Variants in JMJD6 observed in about 807,000 individuals in gnomAD.
The protein encoded by JMJD6 is jumonji domain containing 6, arginine demethylase and lysine hydroxylase.
Under a neutral mutation model 45.8 loss-of-function variants are expected in JMJD6, and 17 were observed. The observed-to-expected ratio is 0.37, with a 90% confidence interval of 0.25 to 0.56. JMJD6 has a LOEUF of 0.56. Ranked by LOEUF, JMJD6 falls within the 20% of genes least tolerant of loss-of-function variation. The probability of loss-of-function intolerance (pLI) is 0.79; values close to 1 mark genes in which losing one functional copy is unlikely to be tolerated. For missense variants in JMJD6, 470 were observed against 517.5 expected (o/e 0.91, Z 0.89); for synonymous variants, 221 against 196.3 (o/e 1.13, Z -1.05).
intron 1 of JMJD6, 32 bp from the exon 2 acceptor site, chr17:76,725,887 A>T: frequency 1.1e-6 from 1 of 878,796 alleles, no homozygotes; most frequent in Non-Finnish European, 1.5e-6. Context: ...TGTCCAGTTA[A>T]AAAAAAAAAA....
At chr17:76,717,027 T>C (rs2076769947), downstream of JMJD6, among the ~76,000 whole-genome samples, 1 of 152,090 alleles carries the variant, frequency 6.6e-6, no homozygotes, top group Non-Finnish European at 1.5e-5. Context: ...CACTTGAATT[T>C]CCCCATGGAA....
At chr17:76,721,152 G>A (rs999632753) in intron 4 of JMJD6, 4 of 230,732 alleles carry the variant, frequency 1.7e-5, no homozygotes, top group South Asian at 4.5e-5. Flanking sequence ...TACGGGGCGG[G>A]GTAAGTGGGC....
At position 76,718,540 on chromosome 17, in the gene JMJD6, T is replaced by A; in HGVS notation, c.*189A>T. 2.0e-5 allele frequency: 28 copies of A among 1,379,818 alleles called. No individual in the cohort carries two copies. The highest frequency in any genetic ancestry group is 2.6e-5 in the Non-Finnish European group (28 of 1,069,328). 85.5% of individuals were successfully genotyped at this position (1,379,818 alleles called of 1,614,324 possible). A position where few individuals can be genotyped will look rare whatever the true frequency, so the allele number is the denominator to read the frequency against. The stretch of plus-strand genomic sequence containing the variant: ...TTGCCTGAGTAAAACAAGCCGCGTT[T>A]ATCTGCATTGGTAGCAGAGGGAAAG... On this transcript the variant is annotated 3_prime_UTR_variant, in exon 6 of 6. Transcript: ENST00000397625.
chr17:76,725,956 A>T, intron 1 of JMJD6, 101 bp from the exon 2 acceptor site: 2 of 1,385,476 alleles, frequency 1.4e-6, no homozygotes, highest in Non-Finnish European at 1.9e-6. Context: ...AAACCGAAGG[A>T]AGTTGACTCT....
At position 76,718,585 on chromosome 17, in the gene JMJD6, G is replaced by C; in HGVS notation, c.*144C>G. On this transcript the variant is annotated 3_prime_UTR_variant, in exon 6 of 6. Coordinates refer to ENST00000397625, the MANE Select transcript of JMJD6 (RefSeq NM_015167.3). ...GGAAAGCTACTGGAGCAAACGCTAA[G>C]TGAATGGGTTCCCGTGCCGAGGGTG... 6.9e-7 allele frequency: 1 copy of C among 1,441,848 alleles called. No homozygotes were observed. Among genetic ancestry groups the C allele is most frequent in the Non-Finnish European group, 9.1e-7 (1 of 1,102,138 alleles). The allele number at this position is 1,441,848 out of a possible 1,614,324, so 89.3% of individuals were successfully genotyped here. A position where few individuals can be genotyped will look rare whatever the true frequency, so the allele number is the denominator to read the frequency against.
chr17:76,725,875 C>A lies in JMJD6; in HGVS notation c.130-20G>T. ...GTTATCCTGAGGGAATTAAAAAAGACCTGTCCAGTTAAAAAAAAAAAAAAA... is the reference window on the plus strand; with the variant it reads ...GTTATCCTGAGGGAATTAAAAAAGAACTGTCCAGTTAAAAAAAAAAAAAAA... On this transcript the variant is annotated intron_variant, in intron 1 of 5. Transcript: ENST00000397625. The A allele has an allele frequency of 6.4e-7, 1 of 1,559,676 alleles. No individual in the cohort carries two copies. Among genetic ancestry groups the A allele is most frequent in the Non-Finnish European group, 8.6e-7 (1 of 1,162,390 alleles).
intron 3 of JMJD6, among the ~76,000 whole-genome samples, chr17:76,722,398 C>T (rs923839919): frequency 7.9e-5 from 12 of 152,330 alleles, no homozygotes; most frequent in African/African-American, 2.9e-4. Context: ...CCTGACTCAA[C>T]ACGGACAGTG....
intron 4 of JMJD6, 110 bp from the exon 5 acceptor site, chr17:76,720,608 G>A: frequency 9.3e-7 from 1 of 1,072,502 alleles, no homozygotes; most frequent in Non-Finnish European, 1.4e-6. Flanking sequence ...AATGCCAGGT[G>A]TGTCCGTTCA....
downstream of JMJD6, chr17:76,715,630 C>T (rs1467772421): frequency 6.6e-6 from 1 of 152,264 alleles, no homozygotes; most frequent in Non-Finnish European, 1.5e-5. Context: ...TCCTTCCCAC[C>T]TGCCTGCCAA....
chr17:76,723,722 T>G (rs770778675), intron 3 of JMJD6, 50 bp downstream of exon 3: 1 of 1,574,320 alleles, frequency 6.4e-7, no homozygotes, highest in South Asian at 1.1e-5. Flanking sequence ...ATTACAGGCA[T>G]GAACCACCGC....
At position 76,725,685 on chromosome 17, in the gene JMJD6, C is replaced by T. The variant is rs1417597831; in HGVS notation, c.300G>A (p.Lys100=). ...LKRKYRNQKF[K]CGEDNDGYSV... The stretch of plus-strand genomic sequence containing the variant: ...AGTAGCCATCGTTATCCTCACCACA[C>T]TTGAACTTCTGGTTCCGATATTTCC... The change falls in exon 2 of 6, where the codon AAG becomes AAA. Residue 100 remains lysine (K), a synonymous_variant. Coordinates refer to ENST00000397625, the MANE Select transcript of JMJD6 (RefSeq NM_015167.3). The T allele has an allele frequency of 6.2e-7, 1 of 1,614,142 alleles. No homozygotes were observed. The highest frequency in any genetic ancestry group is 1.3e-5 in the African/African-American group (1 of 75,032).
rs1463339177 is a variant in JMJD6, at chr17:76,720,390, G to A, written c.1050C>T (p.Ser350=). ...AGTCGGAGTCTGACGAACTGGAGCT[G>A]GAGGAGCTGGAAGAGTCGCTGGAGC... The part of the protein sequence containing the change: ...SDSSSDSSSS[S]SSSSSDSDSE... The change falls in exon 5 of 6, where the codon TCC becomes TCT. Residue 350 remains serine, a synonymous_variant. Coordinates refer to ENST00000397625, the MANE Select transcript of JMJD6 (RefSeq NM_015167.3). The A allele has an allele frequency of 1.2e-6, 2 of 1,614,130 alleles. No individual in the cohort carries two copies. Among genetic ancestry groups the A allele is most frequent in the South Asian group, 2.2e-5 (2 of 91,080 alleles).
chr17:76,714,999 C>T (rs1406426839), downstream of JMJD6: 3 of 152,166 alleles, frequency 2.0e-5, no homozygotes, highest in Admixed American at 6.5e-5. Context: ...ATCCAGACCA[C>T]TGGCAACGTG....
At chr17:76,719,891 G>T (rs1047341510) in intron 5 of JMJD6, among the ~76,000 whole-genome samples, 1 of 152,234 alleles carries the variant, frequency 6.6e-6, no homozygotes, top group African/African-American at 2.4e-5. Context: ...GGAGGCTGAG[G>T]CGGGTGGATC....
At chr17:76,724,983 A>G (rs944873927) in intron 2 of JMJD6, among the ~76,000 whole-genome samples, 14 of 152,212 alleles carry the variant, frequency 9.2e-5, no homozygotes, top group Non-Finnish European at 1.6e-4. Context: ...GAATTAAATC[A>G]GTCTCCCCAG....
chr17:76,721,289 G>T (rs1316884769), intron 4 of JMJD6: 1 of 449,528 alleles, frequency 2.2e-6, no homozygotes, highest in Non-Finnish European at 4.5e-6. Flanking sequence ...TCCAGGTCAG[G>T]GTTGGGACAC....
chr17:76,714,901 A>T (rs184401675), downstream of JMJD6: 1 of 152,398 alleles, frequency 6.6e-6, no homozygotes, highest in East Asian at 1.9e-4. Flanking sequence ...CCCCTGCCTC[A>T]GCTTCCCAAA....
At position 76,721,949 on chromosome 17, in the gene JMJD6, T is replaced by C. The variant is rs201992241; in HGVS notation, c.806-16A>G. ...CACCAGCCTCCTGAAATCCAACAAATAAACAGTTAAACAAGGTTTGATCCT... is the reference window on the plus strand; with the variant it reads ...CACCAGCCTCCTGAAATCCAACAAACAAACAGTTAAACAAGGTTTGATCCT... On this transcript the variant is annotated splice_polypyrimidine_tract_variant and intron_variant, in intron 3 of 5. Coordinates refer to ENST00000397625, the MANE Select transcript of JMJD6 (RefSeq NM_015167.3). The C allele has an allele frequency of 1.9e-5, 30 of 1,613,560 alleles. No individual in the cohort carries two copies. The East Asian group carries it at 2.9e-4, about 16-fold the overall frequency.
chr17:76,718,900 T>C, intron 5 of JMJD6, 40 bp from the exon 6 acceptor site: 1 of 1,596,228 alleles, frequency 6.3e-7, no homozygotes, highest in Non-Finnish European at 8.6e-7. Flanking sequence ...TCAACCTGGA[T>C]GCAACCCACT....
Sources: allele counts gnomAD v4.1 joint callset (sites outside exome capture counted in the v4.1 genomes callset), GRCh38; gene constraint gnomAD v4.1.1; transcripts MANE v1.5; gene names NCBI Gene and HGNC (gene_info 2026-07-23, HGNC 2026-07-21).